PXN: variants seen among roughly 807,000 people sequenced by gnomAD.
PXN encodes paxillin, also known as testicular tissue protein Li 134.
PXN carries 61 observed loss-of-function variants against 103.6 expected under a neutral mutation model. That is an observed-to-expected ratio of 0.59 (90% CI 0.48 to 0.73). PXN has a LOEUF of 0.73. Ranked by LOEUF, PXN falls within the 30% of genes least tolerant of loss-of-function variation. PXN has a pLI of 0.00. For missense variants in PXN, 1,274 were observed against 1,460.3 expected (o/e 0.87, Z 2.08); for synonymous variants, 562 against 607.8 (o/e 0.92, Z 1.11).
rs752519416 is a variant in PXN, at chr12:120,217,911, T to C, written c.1717-795A>G. ...CCGTGCTCAGCTAGCCAGGAACTTTTTTAACTAGTTTTTTTTTTCTTATTT... is the reference window on the plus strand; with the variant it reads ...CCGTGCTCAGCTAGCCAGGAACTTTCTTAACTAGTTTTTTTTTTCTTATTT... On this transcript the variant is annotated intron_variant, in intron 7 of 14. Coordinates refer to ENST00000637617, the MANE Select transcript of PXN (RefSeq NM_001385981.1). This position sits in a 1 kb window ranked among gnomAD's most constrained non-coding sequence, Gnocchi z 4.1. Among the ~76,000 whole-genome samples, 6 of 149,296 alleles carry C rather than the reference T, an allele frequency of 4.0e-5. No individual in the cohort carries two copies. Among genetic ancestry groups the C allele is most frequent in the Non-Finnish European group, 7.4e-5 (5 of 67,432 alleles).
At chr12:120,227,071 C>G (rs1263924087) in intron 1 of PXN, 2 of 986,036 alleles carry the variant, frequency 2.0e-6, no homozygotes, top group South Asian at 9.3e-5. Flanking sequence ...TCTAAGTCTC[C>G]TAAGTCTTTT....
chr12:120,234,502 C>T (rs1888654472), intron 1 of PXN, among the ~76,000 whole-genome samples: 1 of 152,174 alleles, frequency 6.6e-6, no homozygotes, highest in African/African-American at 2.4e-5. Flanking sequence ...ACTGTCCACA[C>T]ATAAAACCAC....
At chr12:120,235,445 C>A (rs1333272262) in intron 1 of PXN, among the ~76,000 whole-genome samples, 4 of 152,096 alleles carry the variant, frequency 2.6e-5, no homozygotes, top group Non-Finnish European at 5.9e-5. Flanking sequence ...CCCATAAGGC[C>A]CCACGAGGAC....
At chr12:120,218,103 GGT>G (rs929947064) in intron 7 of PXN, among the ~76,000 whole-genome samples, 1 of 145,908 alleles carries the variant, frequency 6.9e-6, no homozygotes, top group African/African-American at 2.6e-5. Context: ...TGAATGCAGT[GGT>G]GCGATCACAA....
chr12:120,236,462 C>T (rs1422283870), intron 1 of PXN, among the ~76,000 whole-genome samples: 1 of 151,526 alleles, frequency 6.6e-6, no homozygotes, highest in Non-Finnish European at 1.5e-5. Flanking sequence ...TGTGTGCCAC[C>T]ATGCCCAGAT....
In PXN at chr12:120,220,175, C is replaced by T. The variant is rs1884687729; in HGVS notation, c.832-84G>A. ...GGCTGCACCTTGCAGGCGGTGGGCT[C>T]GGCCTTAGGGCTGACCAAGGTGGCT... is the stretch of plus-strand genomic sequence containing the variant. On this transcript the variant is annotated intron_variant, in intron 6 of 14. Transcript: ENST00000637617. This position sits in a 1 kb window ranked among gnomAD's most constrained non-coding sequence, Gnocchi z 6.1. 2 of 608,838 alleles carry T rather than the reference C, an allele frequency of 3.3e-6. No homozygotes were observed. Among genetic ancestry groups the T allele is most frequent in the Non-Finnish European group, 2.8e-6 (1 of 358,300 alleles). 37.7% of individuals were successfully genotyped at this position (608,838 alleles called of 1,614,324 possible). A position where few individuals can be genotyped will look rare whatever the true frequency, so the allele number is the denominator to read the frequency against.
At position 120,211,641 on chromosome 12, in the gene PXN, G is replaced by A. The variant is rs546102457; in HGVS notation, c.*673C>T. 2.7e-5 allele frequency: 8 copies of A among 292,886 alleles called. No homozygotes were observed. Among genetic ancestry groups the A allele is most frequent in the South Asian group, 9.8e-5 (3 of 30,478 alleles). 18.1% of individuals were successfully genotyped at this position (292,886 alleles called of 1,614,324 possible). A position where few individuals can be genotyped will look rare whatever the true frequency, so the allele number is the denominator to read the frequency against. On this transcript the variant is annotated 3_prime_UTR_variant, in exon 15 of 15. Coordinates refer to ENST00000637617, the MANE Select transcript of PXN (RefSeq NM_001385981.1). ...GTACAGTGTCCAGGCACGCCGTCCC[G>A]GAGACGGAGGAAGTGACTAGAAAAC...
rs373692497 is a variant in PXN, at chr12:120,222,880, G to A, written c.476C>T (p.Pro159Leu). 1.2e-5 allele frequency: 19 copies of A among 1,613,740 alleles called. 1 individual carries two copies. The highest frequency in any genetic ancestry group is 4.5e-5 in the East Asian group (2 of 44,860). ...GGTCCTACCTGCAGGGAAGCCTGGC[G>A]GGTTATGCTGTACAGCGTTCAGTTC... ...LLELNAVQHN[P>L]PGFPADEANS... is the part of the protein sequence containing the mutation. Residue 159 changes from proline (P) to leucine (L), a missense_variant, in exon 4 of 15, where the codon CCG becomes CTG. Pro to Leu is a moderately conservative substitution (Grantham distance 98, BLOSUM62 -3). This residue lies in a region of PXN where 1,178 missense variants were observed against 1,309.0 expected (regional missense o/e 0.90). Coordinates refer to ENST00000637617, the MANE Select transcript of PXN (RefSeq NM_001385981.1). The surrounding 1 kb of genome is among the most constrained non-coding windows in gnomAD (Gnocchi z 4.7).
rs192408142 is a variant in PXN, at chr12:120,250,788, A to G, written c.13+14829T>C. 3.3e-5 allele frequency among the ~76,000 whole-genome samples: 5 copies of G among 152,312 alleles called. No homozygotes were observed. In the East Asian group the frequency reaches 9.6e-4, roughly 29 times the overall value. ...GAGTCCTAAATCACATTCTTCCAGA[A>G]AGTAACTGAAGTCAGATTCTTCCCC... is the stretch of plus-strand genomic sequence containing the variant. On this transcript the variant is annotated intron_variant, in intron 1 of 14. Coordinates refer to ENST00000637617, the MANE Select transcript of PXN (RefSeq NM_001385981.1).
chr12:120,248,147 A>G (rs910518115), intron 1 of PXN, among the ~76,000 whole-genome samples: 4 of 152,308 alleles, frequency 2.6e-5, no homozygotes, highest in Middle Eastern at 3.4e-3. Flanking sequence ...GGAAGATATA[A>G]GCAAATAACC....
chr12:120,217,594 G>T lies in PXN; in HGVS notation c.1717-478C>A, dbSNP rs530761147. 4.1e-5 allele frequency among the ~76,000 whole-genome samples: 6 copies of T among 144,744 alleles called. No homozygotes were observed. Among genetic ancestry groups the T allele is most frequent in the South Asian group, 2.1e-4 (1 of 4,756 alleles). The allele number at this position is 144,744 out of a possible 152,430, so 95.0% of individuals were successfully genotyped here. A position where few individuals can be genotyped will look rare whatever the true frequency, so the allele number is the denominator to read the frequency against. On this transcript the variant is annotated intron_variant, in intron 7 of 14. Coordinates refer to ENST00000637617, the MANE Select transcript of PXN (RefSeq NM_001385981.1). This position sits in a 1 kb window ranked among gnomAD's most constrained non-coding sequence, Gnocchi z 4.1. ...GTTTCCTTCCAGGAACTTTTTTTTG[G>T]GGGGGGACAGAGTCTCGCTCTGTCG...
rs1179915326 is a variant in PXN, at chr12:120,219,514, T to C, written c.1409A>G (p.Asp470Gly). The change falls in exon 7 of 15, where the codon GAC becomes GGC. Residue 470 changes from aspartate (D) to glycine (G), a missense_variant. Asp to Gly is a moderately conservative substitution (Grantham distance 94). Transcript: ENST00000637617. The surrounding 1 kb of genome is among the most constrained non-coding windows in gnomAD (Gnocchi z 6.5). ...GGTATCTGGGAAGATGGCCTGCCGG[T>C]CCACTGCCACTACAGCTGGCTCTGT... ...EVTEPAVVAV[D>G]RQAIFPDTWT... The C allele has an allele frequency of 6.3e-7, 1 of 1,594,846 alleles. No individual in the cohort carries two copies. The highest frequency in any genetic ancestry group is 2.2e-5 in the East Asian group (1 of 44,758).
Position 120,217,736 on chromosome 12 carries a change from C to T in PXN, c.1717-620G>A, listed in dbSNP as rs889520060. ...CTGGGATTAAAGGCATGCACCACCA[C>T]GCCTGGCTAATTTTTGTTGTTGTTG... is the stretch of plus-strand genomic sequence containing the variant. On this transcript the variant is annotated intron_variant, in intron 7 of 14. Coordinates refer to ENST00000637617, the MANE Select transcript of PXN (RefSeq NM_001385981.1). The surrounding 1 kb of genome is among the most constrained non-coding windows in gnomAD (Gnocchi z 4.1). Among the ~76,000 whole-genome samples the T allele has an allele frequency of 2.0e-5, 3 of 151,416 alleles. No individual in the cohort carries two copies. Among genetic ancestry groups the T allele is most frequent in the Admixed American group, 1.3e-4 (2 of 15,222 alleles).
Position 120,216,408 on chromosome 12 carries a change from A to C in PXN, c.2166T>G (p.Ser722=). The C allele has an allele frequency of 7.4e-7, 1 of 1,350,148 alleles. No homozygotes were observed. Among genetic ancestry groups the C allele is most frequent in the African/African-American group, 1.5e-5 (1 of 65,358 alleles). 83.6% of individuals were successfully genotyped at this position (1,350,148 alleles called of 1,614,324 possible). Residue 722 remains serine (S), a synonymous_variant, in exon 9 of 15, where the codon TCT becomes TCG. Transcript: ENST00000637617. The surrounding 1 kb of genome is among the most constrained non-coding windows in gnomAD (Gnocchi z 5.1). ...CTTCCCCTGCACTCTGGACCCCAGA[A>C]GAACCACAGGTATAAGCTGAGGGCC... is the stretch of plus-strand genomic sequence containing the variant. ...PLGPSAYTCG[S]SGVQSAGEEP... is the part of the protein sequence containing the mutation.
chr12:120,238,852 C>T (rs1244165706), intron 1 of PXN, among the ~76,000 whole-genome samples: 3 of 152,194 alleles, frequency 2.0e-5, no homozygotes, highest in Non-Finnish European at 2.9e-5. Flanking sequence ...TCAGGCAGTA[C>T]CTGCTCTGTG....
rs1485892131 is a variant in PXN at position 120,213,255 on chromosome 12, C to T, written c.2979+587G>A. ...ATTAGCCAGGCATGGGGGCGTGTGC[C>T]TGTAATCTCAGCTACTTGGGAGGCT... On this transcript the variant is annotated intron_variant, in intron 14 of 14. Coordinates refer to ENST00000637617, the MANE Select transcript of PXN (RefSeq NM_001385981.1). This position sits in a 1 kb window ranked among gnomAD's most constrained non-coding sequence, Gnocchi z 4.2. 1 of 153,216 alleles carries T rather than the reference C, an allele frequency of 6.5e-6. No homozygotes were observed. The highest frequency in any genetic ancestry group is 6.5e-5 in the Admixed American group (1 of 15,426). 9.5% of individuals were successfully genotyped at this position (153,216 alleles called of 1,614,324 possible).
Position 120,219,857 on chromosome 12 carries a change from C to A in PXN, c.1066G>T (p.Val356Leu). Reference protein sequence around the residue: ...PSWLDLAGLGVMPDTFNSRSP... With the variant: ...PSWLDLAGLGLMPDTFNSRSP... ...CTTGAGTTGAAGGTGTCAGGCATCA[C>A]CCCAAGACCAGCCAAATCAAGCCAG... Residue 356 changes from valine to leucine, a missense_variant, in exon 7 of 15, where the codon GTG becomes TTG. By Grantham distance (32) the Val-to-Leu change is conservative. Transcript: ENST00000637617. The surrounding 1 kb of genome is among the most constrained non-coding windows in gnomAD (Gnocchi z 6.5). The A allele has an allele frequency of 6.3e-7, 1 of 1,598,442 alleles. No homozygotes were observed. Among genetic ancestry groups the A allele is most frequent in the Non-Finnish European group, 8.5e-7 (1 of 1,179,804 alleles).
At chr12:120,250,888 TAA>T (rs750180467) in intron 1 of PXN, among the ~76,000 whole-genome samples, 3 of 152,154 alleles carry the variant, frequency 2.0e-5, no homozygotes, top group Non-Finnish European at 4.4e-5. Flanking sequence ...GCAGCCAACC[TAA>T]AGATGAAGTG....
rs916793061 is a variant in PXN, at chr12:120,265,331, G to A, written c.13+286C>T. ...TCCCTGAGGGGCGGGCTGGTCCCTG[G>A]GGCCCTTCTGGGAGATGGTGATGGG... On this transcript the variant is annotated intron_variant, in intron 1 of 14. Transcript: ENST00000637617. This position sits in a 1 kb window ranked among gnomAD's most constrained non-coding sequence, Gnocchi z 5.7. Among the ~76,000 whole-genome samples, 2 of 152,114 alleles carry A rather than the reference G, an allele frequency of 1.3e-5. No individual in the cohort carries two copies. The highest frequency in any genetic ancestry group is 2.4e-5 in the African/African-American group (1 of 41,432).
Sources: gnomAD v4.1 joint callset for allele counts (sites outside exome capture counted in the v4.1 genomes callset) on GRCh38, gnomAD v4.1.1 for gene constraint, gnomAD v4.1.1 regional missense constraint, Gnocchi (gnomAD v3.1) non-coding constraint, MANE v1.5 for transcripts, NCBI Gene and HGNC (gene_info 2026-07-23, HGNC 2026-07-21) for gene names.